The following SPATA17 variants were observed in gnomAD, a reference collection of about 807,000 sequenced individuals.
SPATA17 encodes spermatogenesis-associated protein 17.
In SPATA17, 53 loss-of-function variants were observed where a neutral mutation model predicts 62.2. The ratio of observed to expected loss-of-function variants is 0.85; its 90% CI spans 0.68 to 1.07. SPATA17 has a LOEUF of 1.07. SPATA17 is among the 50% of genes least tolerant of loss of function. SPATA17 has a pLI of 0.00. For synonymous variants in SPATA17, 146 were observed against 146.8 expected, an observed-to-expected ratio of 0.99 and a Z score of 0.04; for missense variants, 466 against 425.5, an observed-to-expected ratio of 1.10 and a Z score of -0.84.
intron 1 of SPATA17, among the ~76,000 whole-genome samples, chr1:217,637,385 G>A (rs770629524): frequency 1.3e-5 from 2 of 151,914 alleles, no homozygotes; most frequent in Admixed American, 6.6e-5. Context: ...AGTTTCTGCC[G>A]GGAATTAAGT....
intron 9 of SPATA17, among the ~76,000 whole-genome samples, chr1:217,822,463 G>T (rs1232176468): frequency 6.6e-6 from 1 of 150,858 alleles, no homozygotes; most frequent in Admixed American, 6.6e-5. Flanking sequence ...TTTAGGTATA[G>T]ATTTTGTTTT....
chr1:217,647,853 G>T (rs1393720225), intron 1 of SPATA17, among the ~76,000 whole-genome samples: 2 of 152,002 alleles, frequency 1.3e-5, no homozygotes, highest in African/African-American at 2.4e-5. Flanking sequence ...CCCCCGAGTA[G>T]CTGGGATTAC....
Position 217,782,339 on chromosome 1 carries a change from A to G in SPATA17, c.872+17A>G. 6.3e-7 allele frequency: 1 copy of G among 1,576,292 alleles called. No homozygotes were observed. The highest frequency in any genetic ancestry group is 8.6e-7 in the Non-Finnish European group (1 of 1,164,144). ...TGACAATATGTGAGTTCTTAGCTTA[A>G]CAAAAATAGCTGTGACATATTTGGT... On this transcript the variant is annotated intron_variant, in intron 8 of 10. Coordinates refer to ENST00000366933, the MANE Select transcript of SPATA17 (RefSeq NM_138796.4).
intron 3 of SPATA17, among the ~76,000 whole-genome samples, chr1:217,668,476 GAAAC>G: frequency 6.6e-6 from 1 of 152,210 alleles, no homozygotes; most frequent in South Asian, 2.1e-4. Context: ...AATATTAAAT[GAAAC>G]AAAATTCCCA....
intron 9 of SPATA17, among the ~76,000 whole-genome samples, chr1:217,842,596 TTAA>T (rs1485642985): frequency 6.6e-6 from 1 of 151,980 alleles, no homozygotes; most frequent in Non-Finnish European, 1.5e-5. Context: ...TTATTATATA[TTAA>T]TATTTAATTC....
chr1:217,844,086 G>A (rs113834493), intron 9 of SPATA17, among the ~76,000 whole-genome samples: 6 of 152,152 alleles, frequency 3.9e-5, no homozygotes, highest in East Asian at 3.9e-4. Flanking sequence ...ACGCAGTTTC[G>A]TAGATACTGG....
At chr1:217,800,986 T>C (rs527277644) in intron 8 of SPATA17, among the ~76,000 whole-genome samples, 2 of 152,310 alleles carry the variant, frequency 1.3e-5, no homozygotes, top group African/African-American at 4.8e-5. Flanking sequence ...ATCATAAAAA[T>C]ATCTAAAGTA....
chr1:217,796,508 A>G (rs1431660578), intron 8 of SPATA17, among the ~76,000 whole-genome samples: 1 of 152,202 alleles, frequency 6.6e-6, no homozygotes, highest in African/African-American at 2.4e-5. Flanking sequence ...TTGAACAGAT[A>G]GTTTTGCCAC....
chr1:217,644,558 G>C (rs1230935570), intron 1 of SPATA17, among the ~76,000 whole-genome samples: 1 of 151,822 alleles, frequency 6.6e-6, no homozygotes, highest in East Asian at 1.9e-4. Context: ...AATATACATG[G>C]GTCAGACTAA....
intron 9 of SPATA17, among the ~76,000 whole-genome samples, chr1:217,802,573 T>C (rs539822296): frequency 2.6e-5 from 4 of 152,232 alleles, no homozygotes; most frequent in African/African-American, 9.6e-5. Flanking sequence ...ACCTCTTCTC[T>C]CTGGGCAGAG....
intron 3 of SPATA17, among the ~76,000 whole-genome samples, chr1:217,660,499 G>C (rs751005488): frequency 6.6e-6 from 1 of 152,204 alleles, no homozygotes; most frequent in Non-Finnish European, 1.5e-5. Flanking sequence ...GTATGTGCCA[G>C]GGTGGATTGT....
At chr1:217,698,131 A>G (rs1295694877) in intron 5 of SPATA17, among the ~76,000 whole-genome samples, 1 of 152,096 alleles carries the variant, frequency 6.6e-6, no homozygotes, top group Admixed American at 6.6e-5. Flanking sequence ...CCCTGTCTCT[A>G]AATTTTTGTA....
At chr1:217,854,452 T>C (rs1912432) in intron 9 of SPATA17, among the ~76,000 whole-genome samples, 38,021 of 151,960 alleles carry the variant, frequency 0.25, 6,082 homozygotes, top group East Asian at 0.55. Flanking sequence ...CCTCTCAAAA[T>C]AGGGTCACTC....
chr1:217,712,087 G>A (rs575695250), intron 5 of SPATA17, among the ~76,000 whole-genome samples: 1 of 149,572 alleles, frequency 6.7e-6, no homozygotes, highest in East Asian at 1.9e-4. Context: ...TACATTCAGT[G>A]TACTGAGCAG....
At chr1:217,778,725 A>G (rs925975382) in intron 7 of SPATA17, among the ~76,000 whole-genome samples, 10 of 152,218 alleles carry the variant, frequency 6.6e-5, no homozygotes, top group African/African-American at 2.4e-4. Flanking sequence ...CACACTATAC[A>G]ATATTCACAA....
Position 217,777,366 on chromosome 1 carries a change from T to G in SPATA17, c.723+2829T>G, listed in dbSNP as rs2102973881. Reference sequence around the variant, plus strand: ...CCCCTTGGACCGCTTTCTCCTTTTCTTCATCTCTGATTCAGTTCCTGTGAT... The same window carrying G: ...CCCCTTGGACCGCTTTCTCCTTTTCGTCATCTCTGATTCAGTTCCTGTGAT... On this transcript the variant is annotated intron_variant, in intron 7 of 10. Coordinates refer to ENST00000366933, the MANE Select transcript of SPATA17 (RefSeq NM_138796.4). Among the ~76,000 whole-genome samples, 3 of 152,272 alleles carry G rather than the reference T, an allele frequency of 2.0e-5. No homozygotes were observed. In the South Asian group the frequency reaches 6.2e-4, roughly 32 times the overall value.
chr1:217,835,802 C>T (rs891449024), intron 9 of SPATA17, among the ~76,000 whole-genome samples: 17 of 152,036 alleles, frequency 1.1e-4, no homozygotes, highest in African/African-American at 3.1e-4. Context: ...GCAACTTCTC[C>T]GATTACTCCT....
chr1:217,696,339 C>T (rs2102915691), intron 5 of SPATA17, among the ~76,000 whole-genome samples: 1 of 152,300 alleles, frequency 6.6e-6, no homozygotes, highest in East Asian at 1.9e-4. Flanking sequence ...CAATGCCTCG[C>T]CCTGCTTCGG....
chr1:217,865,622 A>C (rs1675993227), intron 10 of SPATA17, among the ~76,000 whole-genome samples: 1 of 152,170 alleles, frequency 6.6e-6, no homozygotes, highest in Non-Finnish European at 1.5e-5. Context: ...TCCTGTCAAG[A>C]GTGTTTTGCC....
Sources: gnomAD v4.1 joint callset for allele counts (sites outside exome capture counted in the v4.1 genomes callset) on GRCh38, gnomAD v4.1.1 for gene constraint, MANE v1.5 for transcripts, NCBI Gene and HGNC (gene_info 2026-07-23, HGNC 2026-07-21) for gene names.